SPAG6: variants seen among roughly 807,000 people sequenced by gnomAD.
The protein encoded by SPAG6 is sperm associated antigen 6.
Under a neutral mutation model 58.5 loss-of-function variants are expected in SPAG6, and 49 were observed. The observed-to-expected ratio is 0.84, with a 90% CI of 0.67 to 1.06. The LOEUF is 1.06. Ranked by LOEUF, SPAG6 falls within the 50% of genes least tolerant of loss-of-function variation. The pLI is 0.00. For synonymous variants in SPAG6, 233 were observed against 225.6 expected (o/e 1.03, Z -0.29); for missense variants, 560 against 611.3 (o/e 0.92, Z 0.89).
intron 2 of SPAG6, chr10:22,360,919 A>G: frequency 1.0e-6 from 1 of 953,634 alleles, no homozygotes; most frequent in Admixed American, 2.0e-5. Flanking sequence ...TTCCATTGTC[A>G]CCATTTTTAT....
At position 22,389,141 on chromosome 10, in the gene SPAG6, T is replaced by C; in HGVS notation, c.853-19T>C. ...CATCATAGGGTCCTGGTGATCTAAC[T>C]CTTGTTCCCATCGCTTAGCTTTCAC... On this transcript the variant is annotated intron_variant, in intron 6 of 10. Coordinates refer to ENST00000376624, the MANE Select transcript of SPAG6 (RefSeq NM_012443.4). 1.2e-6 allele frequency: 2 copies of C among 1,612,104 alleles called. No individual in the cohort carries two copies. The highest frequency in any genetic ancestry group is 1.7e-6 in the Non-Finnish European group (2 of 1,178,628).
chr10:22,353,049 C>G (rs780772326), intron 2 of SPAG6, among the ~76,000 whole-genome samples: 1 of 152,048 alleles, frequency 6.6e-6, no homozygotes, highest in Non-Finnish European at 1.5e-5. Flanking sequence ...GGGACTGTAC[C>G]TTTGTATACA....
At chr10:22,413,066 C>CAAAAAAAAAAAAAAAAAAAAAAGA (rs1834780456) in intron 10 of SPAG6, 1 of 43,316 alleles carries the variant, frequency 2.3e-5, no homozygotes, top group Non-Finnish European at 4.6e-5. Context: ...CAGAAAGATG[C>CAAAAAAAAAAAAAAAAAAAAAAGA]AAAAAAAAAA....
intron 2 of SPAG6, among the ~76,000 whole-genome samples, chr10:22,351,858 T>A (rs1327570578): frequency 6.6e-6 from 1 of 152,190 alleles, no homozygotes; most frequent in Non-Finnish European, 1.5e-5. Context: ...TAAAATTTAT[T>A]GTTTATTTAG....
At chr10:22,401,504 T>C (rs1361507566) in intron 9 of SPAG6, among the ~76,000 whole-genome samples, 4 of 152,206 alleles carry the variant, frequency 2.6e-5, no homozygotes, top group African/African-American at 9.6e-5. Context: ...TCTTTTTAAG[T>C]GTTCCCAGAA....
intron 2 of SPAG6, among the ~76,000 whole-genome samples, chr10:22,357,764 G>A (rs1351971488): frequency 8.1e-6 from 1 of 122,862 alleles, no homozygotes; most frequent in African/African-American, 3.3e-5. Context: ...TCCCCAGAGT[G>A]TGATGTTCCC....
At chr10:22,349,230 T>C (rs76019335) in intron 2 of SPAG6, among the ~76,000 whole-genome samples, 1 of 151,954 alleles carries the variant, frequency 6.6e-6, no homozygotes, top group South Asian at 2.1e-4. Flanking sequence ...TTTTTTTTTT[T>C]CCTCACTGAG....
intron 7 of SPAG6, among the ~76,000 whole-genome samples, chr10:22,389,878 G>A (rs933485848): frequency 1.3e-5 from 2 of 152,000 alleles, no homozygotes; most frequent in Non-Finnish European, 2.9e-5. Flanking sequence ...TCACAATTTT[G>A]TAAGAACCCC....
At chr10:22,353,844 A>G (rs1451043062) in intron 2 of SPAG6, among the ~76,000 whole-genome samples, 1 of 152,232 alleles carries the variant, frequency 6.6e-6, no homozygotes, top group Non-Finnish European at 1.5e-5. Context: ...ATATAATCAC[A>G]CAGATACTGT....
chr10:22,407,581 C>T (rs1036113231), intron 9 of SPAG6, among the ~76,000 whole-genome samples: 2 of 151,908 alleles, frequency 1.3e-5, no homozygotes, highest in Non-Finnish European at 2.9e-5. Context: ...TTTTTTCCTT[C>T]ATTTCAACTT....
At position 22,402,301 on chromosome 10, in the gene SPAG6, G is replaced by A. The variant is rs548512495; in HGVS notation, c.1314+1024G>A. Among the ~76,000 whole-genome samples the A allele has an allele frequency of 4.6e-5, 7 of 151,970 alleles. No homozygotes were observed. In the South Asian group the frequency reaches 1.5e-3, roughly 32 times the overall value. ...AAAAGATTTAAAAAAAAATGAATGG[G>A]GTGTGGCAAATTCATTTGAATAGTC... On this transcript the variant is annotated intron_variant, in intron 9 of 10. Coordinates refer to ENST00000376624, the MANE Select transcript of SPAG6 (RefSeq NM_012443.4).
At chr10:22,376,066 T>A (rs1281124803) in intron 4 of SPAG6, among the ~76,000 whole-genome samples, 1 of 152,220 alleles carries the variant, frequency 6.6e-6, no homozygotes, top group African/African-American at 2.4e-5. Flanking sequence ...CTACATTTTT[T>A]ATTTTATTGC....
intron 2 of SPAG6, among the ~76,000 whole-genome samples, chr10:22,364,399 T>C (rs1178806686): frequency 8.5e-5 from 13 of 152,214 alleles, no homozygotes; most frequent in Admixed American, 8.5e-4. Flanking sequence ...TGATGAGCAC[T>C]AGTAGTACAC....
In SPAG6 at chr10:22,385,059, A is replaced by AG. The variant is rs570361841; in HGVS notation, c.473-1692dup. On this transcript the variant is annotated intron_variant, in intron 4 of 10. Transcript: ENST00000376624. ...ATATATATTCCAGGTGTGCTTAAAT[A>AG]GGGACATATGAATTATTACTATATG... Among the ~76,000 whole-genome samples, 550 of 152,354 alleles carry AG rather than the reference A, an allele frequency of 3.6e-3. 2 individuals are homozygous for AG. The highest frequency in any genetic ancestry group is 0.013 in the African/African-American group (533 of 41,584).
At chr10:22,366,921 G>A (rs1488072828) in intron 3 of SPAG6, among the ~76,000 whole-genome samples, 1 of 152,108 alleles carries the variant, frequency 6.6e-6, no homozygotes, top group East Asian at 1.9e-4. Flanking sequence ...ACAAGCTTCT[G>A]TCTCCCTCAC....
At chr10:22,389,425 C>G in intron 7 of SPAG6, 113 bp downstream of exon 7, 1 of 1,098,408 alleles carries the variant, frequency 9.1e-7, no homozygotes, top group Non-Finnish European at 1.3e-6. Context: ...AAAAAAATTA[C>G]CTGAAAAAAA....
intron 4 of SPAG6, among the ~76,000 whole-genome samples, chr10:22,376,635 A>ATGTG (rs143921983): frequency 1.9e-3 from 279 of 150,142 alleles, no homozygotes; most frequent in African/African-American, 6.5e-3. Context: ...ACTTGTGGAC[A>ATGTG]TGTGTGTGTG....
intron 4 of SPAG6, among the ~76,000 whole-genome samples, chr10:22,380,322 G>C (rs950235556): frequency 2.0e-5 from 3 of 151,924 alleles, no homozygotes; most frequent in Non-Finnish European, 4.4e-5. Flanking sequence ...TGTTTGTTTT[G>C]AGACAGGGTC....
chr10:22,387,659 T>C (rs1834099551), intron 5 of SPAG6, among the ~76,000 whole-genome samples, 164 bp from the exon 6 acceptor site: 1 of 152,230 alleles, frequency 6.6e-6, no homozygotes, highest in Non-Finnish European at 1.5e-5. Context: ...AAGACTTGAA[T>C]GTGAATGTCT....
Sources: allele counts gnomAD v4.1 joint callset (sites outside exome capture counted in the v4.1 genomes callset), GRCh38; gene constraint gnomAD v4.1.1; transcripts MANE v1.5; gene names NCBI Gene and HGNC (gene_info 2026-07-23, HGNC 2026-07-21).